The following CA8 variants were observed in gnomAD, a reference collection of about 807,000 sequenced individuals.
CA8 encodes carbonic anhydrase-related protein.
A neutral mutation model predicts 41.4 loss-of-function variants in CA8; 22 were observed. The observed-to-expected ratio is 0.53, with a 90% CI of 0.38 to 0.76. The LOEUF (loss-of-function observed/expected upper bound fraction) is 0.76, where lower values mean the gene tolerates loss of function less well. Among genes scored for constraint, CA8 ranks in the 30% least tolerant of loss-of-function variants. CA8 has a pLI of 0.00. For missense variants in CA8, 270 were observed against 352.8 expected (o/e 0.77, Z 1.88); for synonymous variants, 121 against 130.6 (o/e 0.93, Z 0.50).
At chr8:60,241,647 C>A (rs930723975) in intron 3 of CA8, among the ~76,000 whole-genome samples, 1 of 151,842 alleles carries the variant, frequency 6.6e-6, no homozygotes, top group Admixed American at 6.6e-5. Context: ...AAAACTACAT[C>A]ATTTTTATGT....
At chr8:60,200,414 T>C (rs919343109) in intron 8 of CA8, among the ~76,000 whole-genome samples, 22 of 152,248 alleles carry the variant, frequency 1.4e-4, no homozygotes, top group African/African-American at 3.9e-4. Context: ...TTCACCCTTA[T>C]GTAATTTCAT....
intron 7 of CA8, among the ~76,000 whole-genome samples, chr8:60,211,210 A>G (rs1256040548): frequency 6.6e-6 from 1 of 152,246 alleles, no homozygotes; most frequent in Non-Finnish European, 1.5e-5. Context: ...ATCACTCAGC[A>G]TAGTTCCAAG....
intron 8 of CA8, among the ~76,000 whole-genome samples, chr8:60,198,757 T>C (rs1300639968): frequency 6.6e-6 from 1 of 152,194 alleles, no homozygotes; most frequent in Non-Finnish European, 1.5e-5. Context: ...GTTTGTATTA[T>C]ATCTAATTAT....
chr8:60,243,918 C>A (rs1236761371), intron 3 of CA8, among the ~76,000 whole-genome samples: 1 of 152,192 alleles, frequency 6.6e-6, no homozygotes, highest in East Asian at 1.9e-4. Flanking sequence ...TGTCTTCAAT[C>A]CTCACCTGGA....
At chr8:60,230,801 CT>C (rs1222674105) in intron 4 of CA8, among the ~76,000 whole-genome samples, 1 of 152,168 alleles carries the variant, frequency 6.6e-6, no homozygotes, top group Admixed American at 6.5e-5. Context: ...TTCTAAGGGG[CT>C]GGGTTTTCAG....
chr8:60,210,372 G>A (rs1806791140), intron 7 of CA8, among the ~76,000 whole-genome samples: 1 of 152,144 alleles, frequency 6.6e-6, no homozygotes, highest in Non-Finnish European at 1.5e-5. Context: ...TGAAACACAA[G>A]ACAGCAACTA....
chr8:60,269,235 AT>A (rs1191405669), intron 2 of CA8, among the ~76,000 whole-genome samples: 1 of 151,950 alleles, frequency 6.6e-6, no homozygotes, highest in Non-Finnish European at 1.5e-5. Context: ...TACTGCTTAC[AT>A]TTTTTTAAAT....
intron 8 of CA8, among the ~76,000 whole-genome samples, chr8:60,203,305 G>A (rs10216889): frequency 0.093 from 14,214 of 152,142 alleles, 1,488 homozygotes; most frequent in African/African-American, 0.26. Context: ...ATAGAAAACT[G>A]AAGGTCAGGT....
chr8:60,226,800 A>T, intron 5 of CA8, 73 bp downstream of exon 5: 1 of 816,152 alleles, frequency 1.2e-6, no homozygotes, highest in Non-Finnish European at 2.1e-6. Context: ...CTAACACAGC[A>T]TCGAGCCCGC....
chr8:60,225,042 G>A (rs1807378893), intron 5 of CA8, among the ~76,000 whole-genome samples: 1 of 151,720 alleles, frequency 6.6e-6, no homozygotes, highest in Non-Finnish European at 1.5e-5. Context: ...TGTCCTATTT[G>A]GATTTGGTAA....
intron 7 of CA8, among the ~76,000 whole-genome samples, chr8:60,215,274 C>A (rs914252731): frequency 6.6e-6 from 1 of 152,092 alleles, no homozygotes; most frequent in African/African-American, 2.4e-5. Context: ...AATGCTTAGA[C>A]GGTTGTTTAT....
intron 8 of CA8, among the ~76,000 whole-genome samples, chr8:60,206,486 T>G (rs2130414381): frequency 6.6e-6 from 1 of 152,208 alleles, no homozygotes; most frequent in East Asian, 1.9e-4. Flanking sequence ...AAAGTATCAT[T>G]TACAGGTATT....
chr8:60,256,967 TTTTA>T (rs776091657), intron 3 of CA8, among the ~76,000 whole-genome samples: 49 of 152,244 alleles, frequency 3.2e-4, no homozygotes, highest in Non-Finnish European at 6.5e-4. Context: ...ACGTTTTTTG[TTTTA>T]TTTGTTTATT....
chr8:60,232,108 T>G (rs1024329419), intron 4 of CA8, among the ~76,000 whole-genome samples, 176 bp downstream of exon 4: 1 of 152,198 alleles, frequency 6.6e-6, no homozygotes, highest in African/African-American at 2.4e-5. Context: ...TTTCTACCAA[T>G]GAATATGTCT....
chr8:60,271,898 A>G (rs1263805364), intron 2 of CA8, among the ~76,000 whole-genome samples: 3 of 133,928 alleles, frequency 2.2e-5, no homozygotes, highest in Non-Finnish European at 5.1e-5. Context: ...CTTAAATGTC[A>G]AGATTCCTGA....
In CA8 at chr8:60,281,209, G is replaced by C; in HGVS notation, c.-62C>G. 2 of 1,223,782 alleles carry C rather than the reference G, an allele frequency of 1.6e-6. No homozygotes were observed. Among genetic ancestry groups the C allele is most frequent in the East Asian group, 2.5e-5 (1 of 39,308 alleles). The allele number at this position is 1,223,782 out of a possible 1,614,324, so 75.8% of individuals were successfully genotyped here. A position where few individuals can be genotyped will look rare whatever the true frequency, so the allele number is the denominator to read the frequency against. ...AGTGCCTGCGCCTTCGCTGGGCGCG[G>C]GGCTGGAGCCGGAGCGGAGCGCGCG... On this transcript the variant is annotated 5_prime_UTR_variant, in exon 1 of 9. Coordinates refer to ENST00000317995, the MANE Select transcript of CA8 (RefSeq NM_004056.6).
At chr8:60,212,194 T>G (rs1229820811) in intron 7 of CA8, among the ~76,000 whole-genome samples, 2 of 152,224 alleles carry the variant, frequency 1.3e-5, no homozygotes, top group African/African-American at 2.4e-5. Context: ...TTTATTCCAA[T>G]CTTCACTGCC....
intron 8 of CA8, among the ~76,000 whole-genome samples, chr8:60,207,747 G>C (rs866102078): frequency 6.6e-6 from 1 of 151,980 alleles, no homozygotes; most frequent in South Asian, 2.1e-4. Flanking sequence ...AGACTTCTTC[G>C]TTTTTTTGTT....
intron 7 of CA8, among the ~76,000 whole-genome samples, chr8:60,221,592 T>C (rs1807252223): frequency 6.6e-6 from 1 of 152,126 alleles, no homozygotes; most frequent in Non-Finnish European, 1.5e-5. Context: ...GAGAACAGTC[T>C]CTTATAAGAA....
Sources: gnomAD v4.1 joint callset for allele counts (sites outside exome capture counted in the v4.1 genomes callset) on GRCh38, gnomAD v4.1.1 for gene constraint, MANE v1.5 for transcripts, NCBI Gene and HGNC (gene_info 2026-07-23, HGNC 2026-07-21) for gene names.